The following MDGA2 variants were observed in gnomAD, a reference collection of about 807,000 sequenced individuals.
The protein encoded by MDGA2 is MAM domain containing glycosylphosphatidylinositol anchor 2, also known as MAM domain-containing glycosylphosphatidylinositol anchor protein 2.
In MDGA2, 40 loss-of-function variants were observed where a neutral mutation model predicts 117.8. The ratio of observed to expected loss-of-function variants is 0.34; its 90% confidence interval spans 0.26 to 0.44. The LOEUF is 0.44. Among genes scored for constraint, MDGA2 ranks in the 20% least tolerant of loss-of-function variants. The pLI is 1.00. For missense variants in MDGA2, 1,123 were observed against 1,250.6 expected (o/e 0.90, Z 1.54); for synonymous variants, 452 against 439.0 (o/e 1.03, Z -0.37).
At chr14:46,860,807 C>G (rs1595000952) in intron 14 of MDGA2, among the ~76,000 whole-genome samples, 2 of 151,928 alleles carry the variant, frequency 1.3e-5, no homozygotes. Context: ...CTCTTATATT[C>G]TTTCGTAAAG....
chr14:46,845,405 T>A (rs1425489263), intron 16 of MDGA2, among the ~76,000 whole-genome samples: 1 of 152,226 alleles, frequency 6.6e-6, no homozygotes, highest in South Asian at 2.1e-4. Flanking sequence ...CTAATACAAT[T>A]TACATTGTAA....
Position 47,247,566 on chromosome 14 carries a change from G to C in MDGA2, c.421-29371C>G, listed in dbSNP as rs764837063. Among the ~76,000 whole-genome samples, 52 of 151,556 alleles carry C rather than the reference G, an allele frequency of 3.4e-4. 1 individual carries two copies. Among genetic ancestry groups the C allele is most frequent in the Admixed American group, 9.2e-4 (14 of 15,212 alleles). ...GATCTGCCCACCTGGGCCTCCCAAA[G>C]TGCTGGGATTACAGGCGTGAGCCAC... On this transcript the variant is annotated intron_variant, in intron 2 of 16. Transcript: ENST00000399232.
chr14:47,469,610 A>G (rs933024758), intron 1 of MDGA2, among the ~76,000 whole-genome samples: 33 of 152,158 alleles, frequency 2.2e-4, no homozygotes, highest in African/African-American at 6.5e-4. Context: ...GCCGCAATAA[A>G]CATACGTGTG....
intron 2 of MDGA2, among the ~76,000 whole-genome samples, chr14:47,230,499 A>G (rs528820773): frequency 6.6e-6 from 1 of 152,146 alleles, no homozygotes; most frequent in African/African-American, 2.4e-5. Context: ...AGAGTGAAAC[A>G]TCTGCCCCTC....
At chr14:47,175,270 A>C (rs1362964019) in intron 3 of MDGA2, among the ~76,000 whole-genome samples, 1 of 151,852 alleles carries the variant, frequency 6.6e-6, no homozygotes, top group Non-Finnish European at 1.5e-5. Context: ...ATCAATAGAA[A>C]AGGAGGGAAT....
At chr14:47,617,599 T>C (rs1414887570) in intron 1 of MDGA2, among the ~76,000 whole-genome samples, 1 of 152,192 alleles carries the variant, frequency 6.6e-6, no homozygotes, top group Non-Finnish European at 1.5e-5. Flanking sequence ...ACCTACCAGC[T>C]TGCTACAGTT....
intron 1 of MDGA2, among the ~76,000 whole-genome samples, chr14:47,439,423 T>C (rs549594955): frequency 1.3e-5 from 2 of 152,230 alleles, no homozygotes; most frequent in African/African-American, 4.8e-5. Context: ...TGCATAGCAA[T>C]CAGTATCCAA....
At chr14:47,183,711 T>C (rs540937004) in intron 3 of MDGA2, among the ~76,000 whole-genome samples, 1 of 152,132 alleles carries the variant, frequency 6.6e-6, no homozygotes, top group East Asian at 1.9e-4. Context: ...GCATAGCAAA[T>C]CTCTAAAACA....
chr14:47,333,734 TAATAA>T (rs1228740079), intron 1 of MDGA2, among the ~76,000 whole-genome samples: 1 of 142,904 alleles, frequency 7.0e-6, no homozygotes, highest in Non-Finnish European at 1.6e-5. Flanking sequence ...AGTCATCATT[TAATAA>T]AATAAGATAA....
chr14:46,969,808 T>C (rs554300472), intron 8 of MDGA2, among the ~76,000 whole-genome samples: 18 of 151,520 alleles, frequency 1.2e-4, no homozygotes, highest in Non-Finnish European at 2.5e-4. Flanking sequence ...GGGGGAGGGA[T>C]AGCATTAGGA....
chr14:47,064,941 A>C (rs1890027393), intron 6 of MDGA2, among the ~76,000 whole-genome samples: 1 of 152,042 alleles, frequency 6.6e-6, no homozygotes, highest in Non-Finnish European at 1.5e-5. Flanking sequence ...ACTTATTGAG[A>C]CTCTATAGAA....
At chr14:46,971,684 A>G (rs1886270627) in intron 8 of MDGA2, among the ~76,000 whole-genome samples, 1 of 152,102 alleles carries the variant, frequency 6.6e-6, no homozygotes, top group African/African-American at 2.4e-5. Flanking sequence ...TGTATTATAT[A>G]ATAAAAATAG....
At chr14:47,524,328 C>T (rs2138719290) in intron 1 of MDGA2, among the ~76,000 whole-genome samples, 1 of 152,260 alleles carries the variant, frequency 6.6e-6, no homozygotes, top group African/African-American at 2.4e-5. Flanking sequence ...TAACATCTTT[C>T]TTCTACCATT....
In MDGA2 at chr14:47,059,293, C is replaced by A. The variant is rs948859900; in HGVS notation, c.1525+1956G>T. On this transcript the variant is annotated intron_variant, in intron 7 of 16. Transcript: ENST00000399232. ...GTAGAGCTTCCATTCTATGGAGAAACCACATCTATCTGTAGTTAAGTGGGT... is the reference window on the plus strand; with the variant it reads ...GTAGAGCTTCCATTCTATGGAGAAAACACATCTATCTGTAGTTAAGTGGGT... 7.9e-6 allele frequency: 10 copies of A among 1,261,586 alleles called. No homozygotes were observed. The African/African-American group carries it at 1.5e-4, about 19-fold the overall frequency. The allele number at this position is 1,261,586 out of a possible 1,614,324, so 78.1% of individuals were successfully genotyped here. A position where few individuals can be genotyped will look rare whatever the true frequency, so the allele number is the denominator to read the frequency against.
intron 8 of MDGA2, among the ~76,000 whole-genome samples, chr14:47,017,264 C>T (rs1325189929): frequency 2.1e-5 from 3 of 144,426 alleles, no homozygotes; most frequent in Admixed American, 7.0e-5. Context: ...GCCTCTGACC[C>T]AGAGGGTCAA....
At chr14:47,080,506 C>G (rs1220393579) in intron 6 of MDGA2, among the ~76,000 whole-genome samples, 1 of 150,944 alleles carries the variant, frequency 6.6e-6, no homozygotes, top group East Asian at 2.0e-4. Flanking sequence ...AACAATCTCT[C>G]TGTTGCTCAG....
chr14:46,913,775 G>A (rs375773878), intron 10 of MDGA2, among the ~76,000 whole-genome samples: 1 of 152,192 alleles, frequency 6.6e-6, no homozygotes, highest in Non-Finnish European at 1.5e-5. Flanking sequence ...TGCCCCCATC[G>A]ATTTCTATGA....
chr14:47,546,373 A>T (rs1895463618), intron 1 of MDGA2, among the ~76,000 whole-genome samples: 1 of 152,180 alleles, frequency 6.6e-6, no homozygotes, highest in African/African-American at 2.4e-5. Context: ...GGGAAAGATT[A>T]GAAGACACAG....
At chr14:47,026,289 CTTTGA>C (rs920231854) in intron 8 of MDGA2, among the ~76,000 whole-genome samples, 7 of 152,048 alleles carry the variant, frequency 4.6e-5, no homozygotes, top group Admixed American at 3.9e-4. Context: ...CAAATACTGC[CTTTGA>C]TTTCTCACTT....
Sources: allele counts gnomAD v4.1 joint callset (sites outside exome capture counted in the v4.1 genomes callset), GRCh38; gene constraint gnomAD v4.1.1; transcripts MANE v1.5; gene names NCBI Gene and HGNC (gene_info 2026-07-23, HGNC 2026-07-21).